The following SMG1 variants were observed in gnomAD, a reference collection of about 807,000 sequenced individuals.
The protein encoded by SMG1 is SMG1 nonsense mediated mRNA decay associated PI3K related kinase.
In SMG1, 22 loss-of-function variants were observed where a neutral mutation model predicts 419.9. The observed-to-expected ratio is 0.05, with a 90% CI of 0.04 to 0.07. The LOEUF (loss-of-function observed/expected upper bound fraction) is 0.07, where lower values mean the gene tolerates loss of function less well. Among genes scored for constraint, SMG1 ranks in the 10% least tolerant of loss-of-function variants. The pLI is 1.00. For synonymous variants in SMG1, 1,538 were observed against 1,553.5 expected (o/e 0.99, Z 0.23); for missense variants, 3,185 against 4,342.0 (o/e 0.73, Z 7.49).
rs748924247 is a variant in SMG1, at chr16:18,870,884, G to A, written c.2307C>T (p.Leu769=). The change falls in exon 17 of 63, where the codon CTC becomes CTT. Residue 769 remains leucine, a synonymous_variant. Transcript: ENST00000446231. ...KFCKGLLANT[L]VEDVNICLQA... is the part of the protein sequence containing the mutation. ...GCAGACAGATATTCACATCTTCAAC[G>A]AGAGCTATTAAACATTAAAAGACAG... 25 of 1,530,870 alleles carry A rather than the reference G, an allele frequency of 1.6e-5. No individual in the cohort carries two copies. In the South Asian group the frequency reaches 2.3e-4, roughly 14 times the overall value. The allele number at this position is 1,530,870 out of a possible 1,614,324, so 94.8% of individuals were successfully genotyped here.
chr16:18,845,950 C>T (rs930525642), intron 38 of SMG1, among the ~76,000 whole-genome samples: 3 of 151,784 alleles, frequency 2.0e-5, no homozygotes, highest in Admixed American at 6.6e-5. Context: ...TGAGTAGCTG[C>T]GACTACACAC....
rs1202079058 is a variant in SMG1, at chr16:18,925,886, A to G, written c.92+64T>C. On this transcript the variant is annotated intron_variant, in intron 1 of 62. Transcript: ENST00000446231. The stretch of plus-strand genomic sequence containing the variant: ...CCGCGCCTCCCAGCCCCGCGGCCCT[A>G]GGCCTCGGCCCGCCCGAGGCGGAGC... 1.5e-5 allele frequency: 19 copies of G among 1,303,270 alleles called. No individual in the cohort carries two copies. In the Admixed American group the frequency reaches 4.7e-4, roughly 32 times the overall value. 80.7% of individuals were successfully genotyped at this position (1,303,270 alleles called of 1,614,324 possible).
chr16:18,847,742 T>C lies in SMG1; in HGVS notation c.5841+74A>G, dbSNP rs947211558. On this transcript the variant is annotated intron_variant, in intron 37 of 62. Transcript: ENST00000446231. The stretch of plus-strand genomic sequence containing the variant: ...ATTGGAGAACCCTGACCAGTGATTG[T>C]CAATACAGATTGGCAAAAGCAATTT... 5 of 1,568,038 alleles carry C rather than the reference T, an allele frequency of 3.2e-6. No individual in the cohort carries two copies. In the African/African-American group the frequency reaches 5.4e-5, roughly 17 times the overall value.
chr16:18,881,456 CTAGCAACGTGTTCAGCAAAAGTA>C (rs1227802095), intron 10 of SMG1, among the ~76,000 whole-genome samples: 9 of 152,194 alleles, frequency 5.9e-5, no homozygotes, highest in Non-Finnish European at 1.3e-4. Context: ...CCTATTTTAT[CTAGCAACGTGTTCAGCAAAAGTA>C]TATGCTCCTA....
chr16:18,841,603 G>A lies in SMG1; in HGVS notation c.6658C>T (p.Arg2220Ter), dbSNP rs2033932717. 6.2e-7 allele frequency: 1 copy of A among 1,613,790 alleles called. No individual in the cohort carries two copies. The highest frequency in any genetic ancestry group is 1.3e-5 in the African/African-American group (1 of 74,868). The change falls in exon 41 of 63, where the codon CGA becomes TGA. Residue 2220 changes from arginine (R) to a stop codon, truncating the protein, a stop_gained. Transcript: ENST00000446231. LOFTEE classifies it high-confidence loss of function. Reference sequence around the variant, plus strand: ...AAGGCAGCTTCCCGTTGTTGCCATCGTTTGTAAAGACCAAATAAGGGTGTG... The same window carrying A: ...AAGGCAGCTTCCCGTTGTTGCCATCATTTGTAAAGACCAAATAAGGGTGTG... The part of the protein sequence containing the change: ...GATPLFGLYK[R>*]WQQREAALQA...
At chr16:18,918,011 A>T (rs2038043129) in intron 1 of SMG1, among the ~76,000 whole-genome samples, 1 of 151,798 alleles carries the variant, frequency 6.6e-6, no homozygotes, top group Non-Finnish European at 1.5e-5. Flanking sequence ...CTGTAATCCC[A>T]GCACTTTGGG....
At chr16:18,887,762 TAAAAAAAAAAAAAAAAAAAAAAA>T (rs57393561) in intron 6 of SMG1, among the ~76,000 whole-genome samples, 6 of 38,286 alleles carry the variant, frequency 1.6e-4, no homozygotes, top group Admixed American at 5.1e-4. Flanking sequence ...TCAAAAACAG[TAAAAAAAAAAAAAAAAAAAAAAA>T]AAAAAAAAAA....
intron 39 of SMG1, among the ~76,000 whole-genome samples, chr16:18,845,006 T>C (rs991012498): frequency 3.3e-5 from 5 of 151,946 alleles, no homozygotes; most frequent in Admixed American, 3.3e-4. Context: ...TAAAACTTTA[T>C]GTTGTTATAA....
intron 42 of SMG1, 70 bp downstream of exon 42, chr16:18,839,628 C>T (rs2033796078): frequency 6.3e-7 from 1 of 1,581,768 alleles, no homozygotes; most frequent in East Asian, 2.2e-5. Flanking sequence ...GGAGGACAAA[C>T]AAGATAGGCA....
rs1322700353 is a variant in SMG1 at position 18,811,764 on chromosome 16, T to C, written c.10905A>G (p.Glu3635=). 4.3e-6 allele frequency: 7 copies of C among 1,613,696 alleles called. No homozygotes were observed. The African/African-American group carries it at 6.7e-5, about 15-fold the overall frequency. Residue 3635 remains glutamate (E), a synonymous_variant, in exon 62 of 63, where the codon GAA becomes GAG. Coordinates refer to ENST00000446231, the MANE Select transcript of SMG1 (RefSeq NM_015092.5). ...VDPNRRMSVA[E]QVDYVIKEAT... ...CCCAAGTTTAAAACACGGTCACCTG[T>C]TCAGCAACTGACATCCTCCTATTCG...
At chr16:18,912,187 A>ATT (rs11455324) in intron 1 of SMG1, among the ~76,000 whole-genome samples, 44 of 143,484 alleles carry the variant, frequency 3.1e-4, no homozygotes, top group African/African-American at 6.8e-4. Context: ...CAGCGGGTGG[A>ATT]TTTTTTTTTT....
intron 10 of SMG1, among the ~76,000 whole-genome samples, chr16:18,880,720 A>ATG: frequency 2.9e-5 from 1 of 34,608 alleles, no homozygotes. Flanking sequence ...CCAAAAAAAA[A>ATG]AGGGGGGGGG....
intron 1 of SMG1, among the ~76,000 whole-genome samples, chr16:18,907,280 CAA>C (rs750585688): frequency 7.2e-6 from 1 of 139,076 alleles, no homozygotes. Context: ...AACTCCATCT[CAA>C]AAAAAAAAAA....
intron 62 of SMG1, among the ~76,000 whole-genome samples, chr16:18,811,053 A>C (rs576331619): frequency 6.6e-6 from 1 of 152,354 alleles, no homozygotes; most frequent in African/African-American, 2.4e-5. Context: ...GACTTCAGAC[A>C]AATGTCCCGA....
At chr16:18,865,692 C>T (rs1375143321) in intron 23 of SMG1, among the ~76,000 whole-genome samples, 4 of 143,350 alleles carry the variant, frequency 2.8e-5, no homozygotes, top group East Asian at 2.0e-4. Context: ...GACAGAGTTT[C>T]GCTCTTGTTG....
At position 18,817,504 on chromosome 16, in the gene SMG1, T is replaced by C. The variant is rs1318001551; in HGVS notation, c.9895-34A>G. On this transcript the variant is annotated intron_variant, in intron 56 of 62. Coordinates refer to ENST00000446231, the MANE Select transcript of SMG1 (RefSeq NM_015092.5). ...ACAGAAATGGAACCACAAGAGGAGATGGGAGGAAGGTGGGAAAGGGAGGTG... is the reference window on the plus strand; with the variant it reads ...ACAGAAATGGAACCACAAGAGGAGACGGGAGGAAGGTGGGAAAGGGAGGTG... 4.0e-6 allele frequency: 6 copies of C among 1,497,070 alleles called. No homozygotes were observed. In the African/African-American group the frequency reaches 5.6e-5, roughly 14 times the overall value. 92.7% of individuals were successfully genotyped at this position (1,497,070 alleles called of 1,614,324 possible). A position where few individuals can be genotyped will look rare whatever the true frequency, so the allele number is the denominator to read the frequency against.
chr16:18,903,424 C>T (rs1457954761), intron 1 of SMG1, among the ~76,000 whole-genome samples: 1 of 152,218 alleles, frequency 6.6e-6, no homozygotes, highest in East Asian at 1.9e-4. Flanking sequence ...ACATTTCCCT[C>T]ACCGGGTTTC....
At chr16:18,868,749 T>A (rs2035652226) in intron 20 of SMG1, 30 bp from the exon 21 acceptor site, 1 of 891,394 alleles carries the variant, frequency 1.1e-6, no homozygotes, top group Non-Finnish European at 1.7e-6. Flanking sequence ...TCTGAATTTT[T>A]AAAAATCTTA....
intron 3 of SMG1, among the ~76,000 whole-genome samples, chr16:18,894,814 T>C (rs1482939629): frequency 6.6e-6 from 1 of 151,896 alleles, no homozygotes; most frequent in Non-Finnish European, 1.5e-5. Context: ...CTCTGAACTT[T>C]CTTTTTTGTT....
Sources: gnomAD v4.1 joint callset for allele counts (sites outside exome capture counted in the v4.1 genomes callset) on GRCh38, gnomAD v4.1.1 for gene constraint, MANE v1.5 for transcripts, NCBI Gene and HGNC (gene_info 2026-07-23, HGNC 2026-07-21) for gene names.